RHOBTB2: variants seen among roughly 807,000 people sequenced by gnomAD.
The protein encoded by RHOBTB2 is Rho related BTB domain containing 2.
A neutral mutation model predicts 66.5 loss-of-function variants in RHOBTB2; 39 were observed. The observed-to-expected ratio is 0.59, with a 90% confidence interval of 0.45 to 0.77. The LOEUF (loss-of-function observed/expected upper bound fraction) is 0.77, where lower values mean the gene tolerates loss of function less well. RHOBTB2 is among the 30% of genes least tolerant of loss of function. The pLI, the probability that RHOBTB2 is intolerant of heterozygous loss-of-function variation, is 0.00. For missense variants in RHOBTB2, 755 were observed against 999.1 expected, an observed-to-expected ratio of 0.76 and a Z score of 3.29; for synonymous variants, 390 against 395.0, an observed-to-expected ratio of 0.99 and a Z score of 0.15.
intron 1 of RHOBTB2, among the ~76,000 whole-genome samples, 156 bp downstream of exon 1, chr8:23,000,261 G>A (rs1042659448): frequency 6.6e-6 from 1 of 152,254 alleles, no homozygotes; most frequent in East Asian, 1.9e-4. Flanking sequence ...AGCGGGGCTG[G>A]AGCCTAATCC....
chr8:22,951,294 C>T, the RHOBTB2 span, among the ~76,000 whole-genome samples: 1 of 131,164 alleles, frequency 7.6e-6, no homozygotes, highest in Non-Finnish European at 1.5e-5. Context: ...CTCTGTCACC[C>T]AGGCTGGAGT....
At chr8:23,003,099 G>A (rs910352302) in intron 1 of RHOBTB2, among the ~76,000 whole-genome samples, 2 of 152,216 alleles carry the variant, frequency 1.3e-5, no homozygotes, top group Non-Finnish European at 2.9e-5. Flanking sequence ...TAGGAGGGAT[G>A]ACTCCGGGCT....
At chr8:22,962,727 C>G in the RHOBTB2 span, among the ~76,000 whole-genome samples, 2 of 152,324 alleles carry the variant, frequency 1.3e-5, no homozygotes, top group African/African-American at 2.4e-5. Context: ...CAGAGAGTCT[C>G]TGAGAGTGCT....
upstream of RHOBTB2, among the ~76,000 whole-genome samples, chr8:22,986,140 T>TTC (rs58840002): frequency 0.15 from 22,006 of 147,874 alleles, 1,653 homozygotes; most frequent in African/African-American, 0.18. Flanking sequence ...GACGGTGGAC[T>TTC]TCTCTCTCTC....
At chr8:22,979,575 C>T in the RHOBTB2 span, among the ~76,000 whole-genome samples, 1 of 151,846 alleles carries the variant, frequency 6.6e-6, no homozygotes, top group African/African-American at 2.4e-5. Flanking sequence ...TTTTTTTCTT[C>T]ATTTTTTCCC....
At position 23,004,715 on chromosome 8, in the gene RHOBTB2, T is replaced by G. The variant is rs1810896588; in HGVS notation, c.192+89T>G. ...AGGCATAGCTTGGTGTCTCCAGAGC[T>G]CACGGGAGCCCTCTAGGGGTGGGAC... On this transcript the variant is annotated intron_variant, in intron 2 of 9. Transcript: ENST00000251822. The surrounding 1 kb of genome is among the most constrained non-coding windows in gnomAD (Gnocchi z 6.4). 1 of 1,287,294 alleles carries G rather than the reference T, an allele frequency of 7.8e-7. No homozygotes were observed. The highest frequency in any genetic ancestry group is 1.5e-5 in the African/African-American group (1 of 68,146). 79.7% of individuals were successfully genotyped at this position (1,287,294 alleles called of 1,614,324 possible). A position where few individuals can be genotyped will look rare whatever the true frequency, so the allele number is the denominator to read the frequency against.
At chr8:22,993,162 CT>C (rs1468726938) in intron 2 of RHOBTB2, among the ~76,000 whole-genome samples, 2 of 151,468 alleles carry the variant, frequency 1.3e-5, no homozygotes, top group African/African-American at 4.9e-5. Flanking sequence ...TTTTTTCTTT[CT>C]TTTTTTTTGA....
the RHOBTB2 span, among the ~76,000 whole-genome samples, chr8:22,968,620 T>C: frequency 6.6e-6 from 1 of 151,986 alleles, no homozygotes; most frequent in Non-Finnish European, 1.5e-5. Context: ...TTAATAGTTT[T>C]CCTGTAAAGC....
rs369567249 is a variant in RHOBTB2 at position 23,007,385 on chromosome 8, G to C, written c.1140G>C (p.Pro380=). ...ILRGNGTGYL[P]GRGRVLSSWS... ...GGGGCAACGGAACAGGGTACCTACC[G>C]GGCAGGGGTCGTGTGCTGTCTTCCT... is the stretch of plus-strand genomic sequence containing the variant. The change falls in exon 5 of 10, where the codon CCG becomes CCC. Residue 380 remains proline, a synonymous_variant. Coordinates refer to ENST00000251822, the MANE Select transcript of RHOBTB2 (RefSeq NM_015178.3). The C allele has an allele frequency of 2.5e-6, 4 of 1,614,054 alleles. No homozygotes were observed. Among genetic ancestry groups the C allele is most frequent in the Non-Finnish European group, 2.5e-6 (3 of 1,179,958 alleles).
the RHOBTB2 span, among the ~76,000 whole-genome samples, chr8:22,963,533 GAAAA>G: frequency 4.1e-5 from 6 of 147,156 alleles, no homozygotes; most frequent in Non-Finnish European, 9.0e-5. Context: ...TTAACAAAGT[GAAAA>G]AAAAAAAGAG....
At chr8:22,969,024 GAT>G in the RHOBTB2 span, among the ~76,000 whole-genome samples, 3 of 152,194 alleles carry the variant, frequency 2.0e-5, no homozygotes, top group Non-Finnish European at 4.4e-5. Context: ...TAACACTGCT[GAT>G]AAACACATAC....
rs1304398148 is a variant in RHOBTB2 at position 23,005,461 on chromosome 8, C to T, written c.282C>T (p.Arg94=). The T allele has an allele frequency of 2.5e-6, 4 of 1,613,020 alleles. No individual in the cohort carries two copies. The highest frequency in any genetic ancestry group is 3.4e-6 in the Non-Finnish European group (4 of 1,179,142). ...TTGGAGACCACCACAAAGACCGTCG[C>T]TTTGCTTATGGGAGGTAGGGAAGGC... ...DTFGDHHKDR[R]FAYGRSDVVV... is the part of the protein sequence containing the mutation. Residue 94 remains arginine (R), a synonymous_variant, in exon 3 of 10, where the codon CGC becomes CGT. Coordinates refer to ENST00000251822, the MANE Select transcript of RHOBTB2 (RefSeq NM_015178.3).
At chr8:22,958,803 A>G in the RHOBTB2 span, among the ~76,000 whole-genome samples, 1 of 9,876 alleles carries the variant, frequency 1.0e-4, no homozygotes, top group Admixed American at 9.6e-4. Flanking sequence ...CCCCTCTCTG[A>G]AAAAAAAAAA....
chr8:22,996,430 C>T (rs1411261192), upstream of RHOBTB2, among the ~76,000 whole-genome samples: 1 of 151,772 alleles, frequency 6.6e-6, no homozygotes, highest in Non-Finnish European at 1.5e-5. Flanking sequence ...AGTCAGTGCT[C>T]AGGCTGAACT....
At chr8:23,010,750 A>G (rs1328666742) in intron 7 of RHOBTB2, 62 bp downstream of exon 7, 2 of 1,560,904 alleles carry the variant, frequency 1.3e-6, no homozygotes, top group African/African-American at 1.4e-5. Context: ...CCCAAGGTGC[A>G]ATGTTCTCCT....
Position 23,020,033 on chromosome 8 carries a change from G to C in RHOBTB2, c.*2564G>C. ...CTGAAAACAGAGGGGAGGGAGGAAG[G>C]AAGGAGTCCCAGCAGGAGCACAGCC... On this transcript the variant is annotated 3_prime_UTR_variant, in exon 10 of 10. Coordinates refer to ENST00000251822, the MANE Select transcript of RHOBTB2 (RefSeq NM_015178.3). 3.1e-6 allele frequency: 1 copy of C among 327,056 alleles called. No homozygotes were observed. Among genetic ancestry groups the C allele is most frequent in the South Asian group, 2.5e-5 (1 of 39,632 alleles). 20.3% of individuals were successfully genotyped at this position (327,056 alleles called of 1,614,324 possible).
At chr8:22,970,470 G>A in the RHOBTB2 span, among the ~76,000 whole-genome samples, 3 of 152,232 alleles carry the variant, frequency 2.0e-5, no homozygotes, top group South Asian at 6.2e-4. Context: ...TGGGCATTGT[G>A]CATGCCTGTG....
chr8:22,975,923 G>A, the RHOBTB2 span, among the ~76,000 whole-genome samples: 8 of 151,984 alleles, frequency 5.3e-5, no homozygotes, highest in Non-Finnish European at 1.2e-4. Context: ...CAATGCGGGC[G>A]GATCATGAGG....
upstream of RHOBTB2, among the ~76,000 whole-genome samples, chr8:22,983,754 A>C (rs1810249535): frequency 6.6e-6 from 1 of 150,592 alleles, no homozygotes; most frequent in Non-Finnish European, 1.5e-5. Context: ...TTTTTTTTTG[A>C]GACAGAGTTT....
Sources: gnomAD v4.1 joint callset for allele counts (sites outside exome capture counted in the v4.1 genomes callset) on GRCh38, gnomAD v4.1.1 for gene constraint, Gnocchi (gnomAD v3.1) non-coding constraint, MANE v1.5 for transcripts, NCBI Gene and HGNC (gene_info 2026-07-23, HGNC 2026-07-21) for gene names.